Variants in FRZB observed in about 807,000 individuals in gnomAD.
FRZB encodes secreted frizzled-related protein 3.
Under a neutral mutation model 32.5 loss-of-function variants are expected in FRZB, and 34 were observed. That is an observed-to-expected ratio of 1.05 (90% CI 0.80 to 1.39). The LOEUF is 1.39. Among genes scored for constraint, FRZB ranks in the 40% most tolerant of loss-of-function variants. FRZB has a pLI of 0.00. For synonymous variants in FRZB, 170 were observed against 159.2 expected (o/e 1.07, Z -0.51); for missense variants, 423 against 424.8 (o/e 1.00, Z 0.04).
In FRZB at chr2:182,866,277, G is replaced by T. The variant is rs1187930455; in HGVS notation, c.276C>A (p.Tyr92Ter). 6.2e-7 allele frequency: 1 copy of T among 1,614,228 alleles called. No homozygotes were observed. The highest frequency in any genetic ancestry group is 1.7e-5 in the Admixed American group (1 of 60,030). ...PDLLFFLCAMYAPICTIDFQH... is the reference protein window; with the variant it reads ...PDLLFFLCAM ...GGAAGTCAATGGTGCAGATGGGCGCGTACATGGCACAGAGGAAGAAGAGCA... is the reference window on the plus strand; with the variant it reads ...GGAAGTCAATGGTGCAGATGGGCGCTTACATGGCACAGAGGAAGAAGAGCA... Residue 92 changes from tyrosine to a stop codon, truncating the protein, a stop_gained, in exon 1 of 6, where the codon TAC (tyrosine) becomes TAA (stop). Coordinates refer to ENST00000295113, the MANE Select transcript of FRZB (RefSeq NM_001463.4). LOFTEE classifies it high-confidence loss of function. This position sits in a 1 kb window ranked among gnomAD's most constrained non-coding sequence, Gnocchi z 4.5.
At chr2:182,836,092 T>G (rs1460788025) in intron 5 of FRZB, among the ~76,000 whole-genome samples, 3 of 152,126 alleles carry the variant, frequency 2.0e-5, no homozygotes, top group African/African-American at 7.2e-5. Context: ...TCCACAATCT[T>G]GTCTTCATAT....
chr2:182,848,048 T>C (rs758711438), intron 2 of FRZB, among the ~76,000 whole-genome samples: 2 of 143,368 alleles, frequency 1.4e-5, no homozygotes, highest in Non-Finnish European at 3.0e-5. Context: ...CAGTAGCTGA[T>C]GGATAGGTAA....
chr2:182,835,527 T>C (rs779379884), intron 5 of FRZB, among the ~76,000 whole-genome samples: 1 of 151,994 alleles, frequency 6.6e-6, no homozygotes, highest in African/African-American at 2.4e-5. Flanking sequence ...GCCCTCGTTC[T>C]AAGTGTTACA....
intron 4 of FRZB, 74 bp downstream of exon 4, chr2:182,838,335 G>A: frequency 8.1e-7 from 1 of 1,234,440 alleles, no homozygotes; most frequent in African/African-American, 1.5e-5. Context: ...TGCGAGGGTA[G>A]CATCTCTAGA....
Position 182,834,794 on chromosome 2 carries a change from A to G in FRZB, c.*55T>C, listed in dbSNP as rs1695504743. The G allele has an allele frequency of 8.2e-6, 10 of 1,221,412 alleles. No individual in the cohort carries two copies. The highest frequency in any genetic ancestry group is 1.2e-5 in the Non-Finnish European group (10 of 822,500). 75.7% of individuals were successfully genotyped at this position (1,221,412 alleles called of 1,614,324 possible). A position where few individuals can be genotyped will look rare whatever the true frequency, so the allele number is the denominator to read the frequency against. ...TGCAATTTTCCTTTGCTAGTCCAGC[A>G]ATGCAAGTAAGTCTTAATAGGAAGT... On this transcript the variant is annotated 3_prime_UTR_variant, in exon 6 of 6. Coordinates refer to ENST00000295113, the MANE Select transcript of FRZB (RefSeq NM_001463.4).
rs577696185 is a variant in FRZB, at chr2:182,836,635, C to T, written c.861+1313G>A. Among the ~76,000 whole-genome samples the T allele has an allele frequency of 7.2e-5, 11 of 152,060 alleles. 1 individual carries two copies. The highest frequency in any genetic ancestry group is 3.3e-4 in the Admixed American group (5 of 15,232). On this transcript the variant is annotated intron_variant, in intron 5 of 5. Transcript: ENST00000295113. ...GAGCAGTAAGCCTTGTTACATGCTTCGCAGCAGGGATATTGAAAGCTTTTC... is the reference window on the plus strand; with the variant it reads ...GAGCAGTAAGCCTTGTTACATGCTTTGCAGCAGGGATATTGAAAGCTTTTC...
rs2105749353 is a variant in FRZB, at chr2:182,833,871, A to G, written c.*978T>C. On this transcript the variant is annotated 3_prime_UTR_variant, in exon 6 of 6. Coordinates refer to ENST00000295113, the MANE Select transcript of FRZB (RefSeq NM_001463.4). ...AAAAAACAAAAACAAAAAAACCTGCATATTTTATCACTCTGTAATCTACAG... is the reference window on the plus strand; with the variant it reads ...AAAAAACAAAAACAAAAAAACCTGCGTATTTTATCACTCTGTAATCTACAG... 6.6e-6 allele frequency: 1 copy of G among 152,234 alleles called. No individual in the cohort carries two copies. Among genetic ancestry groups the G allele is most frequent in the Middle Eastern group, 3.4e-3 (1 of 294 alleles). The allele number at this position is 152,234 out of a possible 1,614,324, so 9.4% of individuals were successfully genotyped here.
intron 2 of FRZB, among the ~76,000 whole-genome samples, chr2:182,852,647 AT>A: frequency 6.6e-6 from 1 of 152,206 alleles, no homozygotes; most frequent in East Asian, 1.9e-4. Context: ...AATTATTTTA[AT>A]TAAAAAAAAC....
chr2:182,866,179 TTGA>T lies in FRZB; in HGVS notation c.371_373del (p.Ile124del), dbSNP rs1228331540. The T allele has an allele frequency of 5.6e-6, 9 of 1,614,018 alleles. No homozygotes were observed. Among genetic ancestry groups the T allele is most frequent in the Non-Finnish European group, 7.6e-6 (9 of 1,180,014 alleles). ...GTTCTCCGGCCACGAGTGGCGGTAC[TTGA>T]TGAGTATGGGCTCACAGCCCTGCCG... On this transcript the variant is annotated inframe_deletion, in exon 1 of 6. Coordinates refer to ENST00000295113, the MANE Select transcript of FRZB (RefSeq NM_001463.4). The surrounding 1 kb of genome is among the most constrained non-coding windows in gnomAD (Gnocchi z 4.5).
intron 1 of FRZB, among the ~76,000 whole-genome samples, chr2:182,862,157 T>C (rs115564673): frequency 3.9e-4 from 60 of 152,342 alleles, no homozygotes; most frequent in Non-Finnish European, 6.2e-4. Context: ...GAGAAACGAT[T>C]AAATGGCAGC....
chr2:182,848,965 C>A (rs1396377405), intron 2 of FRZB, among the ~76,000 whole-genome samples: 1 of 152,128 alleles, frequency 6.6e-6, no homozygotes, highest in African/African-American at 2.4e-5. Context: ...CGGTGGCTCA[C>A]GTCTGTAATC....
At chr2:182,835,765 C>T (rs1008322432) in intron 5 of FRZB, among the ~76,000 whole-genome samples, 4 of 151,902 alleles carry the variant, frequency 2.6e-5, no homozygotes, top group Non-Finnish European at 5.9e-5. Flanking sequence ...GAGACAGGGC[C>T]GAAGATTTTC....
At chr2:182,837,562 A>G (rs1000397829) in intron 5 of FRZB, among the ~76,000 whole-genome samples, 1 of 151,994 alleles carries the variant, frequency 6.6e-6, no homozygotes. Flanking sequence ...TGTACATGTG[A>G]TACTAGAGGC....
Position 182,833,465 on chromosome 2 carries a change from C to A in FRZB, c.*1384G>T, listed in dbSNP as rs970386143. The A allele has an allele frequency of 6.6e-6, 1 of 152,026 alleles. No homozygotes were observed. The highest frequency in any genetic ancestry group is 1.5e-5 in the Non-Finnish European group (1 of 68,004). The allele number at this position is 152,026 out of a possible 1,614,324, so 9.4% of individuals were successfully genotyped here. A position where few individuals can be genotyped will look rare whatever the true frequency, so the allele number is the denominator to read the frequency against. On this transcript the variant is annotated 3_prime_UTR_variant, in exon 6 of 6. Coordinates refer to ENST00000295113, the MANE Select transcript of FRZB (RefSeq NM_001463.4). ...GGGGTTACATCTGGATAAACCCATT[C>A]GAAACTGAAAATATCGTAAGTTGAA...
chr2:182,837,923 C>A, intron 5 of FRZB, 25 bp downstream of exon 5: 1 of 1,594,248 alleles, frequency 6.3e-7, no homozygotes, highest in Non-Finnish European at 8.6e-7. Context: ...CTGTGTATTA[C>A]TTCAAACATA....
intron 5 of FRZB, among the ~76,000 whole-genome samples, chr2:182,835,733 CA>C (rs1382752593): frequency 1.3e-5 from 2 of 152,000 alleles, no homozygotes; most frequent in Non-Finnish European, 2.9e-5. Flanking sequence ...GTTAAAATTG[CA>C]AATTCTCATT....
chr2:182,838,671 CA>C, intron 3 of FRZB, 58 bp from the exon 4 acceptor site: 7 of 1,381,752 alleles, frequency 5.1e-6, no homozygotes, highest in Middle Eastern at 2.0e-4. Context: ...CTACCCCATT[CA>C]AAAAAAGCCA....
chr2:182,849,276 A>AAATG lies in FRZB; in HGVS notation c.527-6737_527-6734dup, dbSNP rs1275753948. Among the ~76,000 whole-genome samples, 201 of 134,960 alleles carry AAATG rather than the reference A, an allele frequency of 1.5e-3. 1 individual carries two copies. Among genetic ancestry groups the AAATG allele is most frequent in the Non-Finnish European group, 2.5e-3 (150 of 61,026 alleles). 88.5% of individuals were successfully genotyped at this position (134,960 alleles called of 152,430 possible). ...TAAATAAATAAATAAATAAATAAAT[A>AAATG]AATGTTCTTTATCTTGATCTGGATG... On this transcript the variant is annotated intron_variant, in intron 2 of 5. Transcript: ENST00000295113.
Position 182,837,325 on chromosome 2 carries a change from T to TGTA in FRZB, c.861+620_861+622dup. Reference sequence around the variant, plus strand: ...TTCAGATCTCTTCTATACAGATGAATGTAGCTACACTTTGTACATAGGAAT... The same window carrying TGTA: ...TTCAGATCTCTTCTATACAGATGAATGTAGTAGCTACACTTTGTACATAGGAAT... On this transcript the variant is annotated intron_variant, in intron 5 of 5. Coordinates refer to ENST00000295113, the MANE Select transcript of FRZB (RefSeq NM_001463.4). Among the ~76,000 whole-genome samples the TGTA allele has an allele frequency of 5.9e-5, 9 of 152,186 alleles. 1 individual carries two copies. In the South Asian group the frequency reaches 1.9e-3, roughly 32 times the overall value.
Sources: gnomAD v4.1 joint callset for allele counts (sites outside exome capture counted in the v4.1 genomes callset) on GRCh38, gnomAD v4.1.1 for gene constraint, Gnocchi (gnomAD v3.1) non-coding constraint, MANE v1.5 for transcripts, NCBI Gene and HGNC (gene_info 2026-07-23, HGNC 2026-07-21) for gene names.